Variants in FANCC observed in about 807,000 individuals in gnomAD.
The protein encoded by FANCC is FA complementation group C.
A neutral mutation model predicts 71.3 loss-of-function variants in FANCC; 55 were observed. The observed-to-expected ratio is 0.77, with a 90% confidence interval of 0.62 to 0.97. FANCC has a LOEUF of 0.97. Among genes scored for constraint, FANCC ranks in the 50% least tolerant of loss-of-function variants. The pLI is 0.00. For missense variants in FANCC, 678 were observed against 670.9 expected (o/e 1.01, Z -0.12); for synonymous variants, 275 against 244.9 (o/e 1.12, Z -1.15).
chr9:95,285,709 G>C lies in FANCC; in HGVS notation c.-79+31817C>G, dbSNP rs140822646. Among the ~76,000 whole-genome samples, 1,501 of 152,018 alleles carry C rather than the reference G, an allele frequency of 9.9e-3. 31 individuals carry two copies. Among genetic ancestry groups the C allele is most frequent in the African/African-American group, 0.034 (1,419 of 41,494 alleles). Reference sequence around the variant, plus strand: ...AATTCCCAGTACTGGCAAGAATACAGTTAAACAGCCACTCATATGCAGGTT... The same window carrying C: ...AATTCCCAGTACTGGCAAGAATACACTTAAACAGCCACTCATATGCAGGTT... On this transcript the variant is annotated intron_variant, in intron 1 of 14. Transcript: ENST00000289081.
chr9:95,236,855 G>A (rs974577523), intron 4 of FANCC, among the ~76,000 whole-genome samples: 2 of 152,028 alleles, frequency 1.3e-5, no homozygotes, highest in Non-Finnish European at 2.9e-5. Flanking sequence ...CAAGGATATT[G>A]GATGTCAAGG....
At position 95,117,273 on chromosome 9, in the gene FANCC, C is replaced by G. The variant is rs373495089; in HGVS notation, c.1072+42G>C. 3 of 1,571,800 alleles carry G rather than the reference C, an allele frequency of 1.9e-6. No individual in the cohort carries two copies. In the African/African-American group the frequency reaches 4.1e-5, roughly 21 times the overall value. On this transcript the variant is annotated intron_variant, in intron 11 of 14. Transcript: ENST00000289081. ...GGTCATAATTTGACAATGCTCTTCC[C>G]AGGAAATCATTCTGATGTGGGCAAA...
At chr9:95,138,678 A>G (rs1263553838) in intron 7 of FANCC, among the ~76,000 whole-genome samples, 1 of 152,170 alleles carries the variant, frequency 6.6e-6, no homozygotes, top group Admixed American at 6.5e-5. Flanking sequence ...CCTGGCCGAG[A>G]GCCATGGCAC....
intron 3 of FANCC, among the ~76,000 whole-genome samples, chr9:95,241,700 C>T (rs1432254564): frequency 2.0e-5 from 3 of 152,154 alleles, no homozygotes; most frequent in African/African-American, 7.2e-5. Flanking sequence ...CGCTCTGTCA[C>T]CCAGGCTGGA....
At chr9:95,273,026 T>G (rs967273706) in intron 1 of FANCC, among the ~76,000 whole-genome samples, 3 of 152,016 alleles carry the variant, frequency 2.0e-5, no homozygotes, top group African/African-American at 7.2e-5. Flanking sequence ...AGAACCCACA[T>G]CCCCTGGCAC....
At chr9:95,171,601 G>A (rs1825681735) in intron 5 of FANCC, among the ~76,000 whole-genome samples, 1 of 152,024 alleles carries the variant, frequency 6.6e-6, no homozygotes, top group African/African-American at 2.4e-5. Flanking sequence ...TATAATTTAA[G>A]CCAGAAGAAA....
intron 8 of FANCC, among the ~76,000 whole-genome samples, chr9:95,128,878 C>T (rs1004884033): frequency 6.6e-6 from 1 of 151,742 alleles, no homozygotes; most frequent in Non-Finnish European, 1.5e-5. Flanking sequence ...GAAACAGCAA[C>T]GGCAGAGATT....
chr9:95,120,698 G>A (rs947590788), intron 10 of FANCC, among the ~76,000 whole-genome samples: 4 of 152,264 alleles, frequency 2.6e-5, no homozygotes, highest in Admixed American at 6.5e-5. Context: ...AAAGTGCTGG[G>A]ATTACAGGCA....
At chr9:95,261,655 C>A (rs3852402) in intron 1 of FANCC, among the ~76,000 whole-genome samples, 58,710 of 152,030 alleles carry the variant, frequency 0.39, 11,934 homozygotes, top group East Asian at 0.58. Context: ...ACCTTCTCCA[C>A]GTATGCAGAC....
At chr9:95,271,998 G>A (rs1399148255) in intron 1 of FANCC, among the ~76,000 whole-genome samples, 3 of 137,056 alleles carry the variant, frequency 2.2e-5, no homozygotes, top group African/African-American at 5.5e-5. Flanking sequence ...GTGCAGTGGC[G>A]CGATCCTGGC....
intron 9 of FANCC, 125 bp from the exon 10 acceptor site, chr9:95,125,310 C>T: frequency 1.3e-6 from 1 of 755,394 alleles, no homozygotes; most frequent in South Asian, 1.5e-5. Flanking sequence ...AGTATCTCAA[C>T]TCATCAGATT....
At chr9:95,118,456 T>G (rs189996562) in intron 10 of FANCC, among the ~76,000 whole-genome samples, 1 of 152,126 alleles carries the variant, frequency 6.6e-6, no homozygotes, top group Non-Finnish European at 1.5e-5. Context: ...ACGCATGGAG[T>G]GCATGGGCTT....
At chr9:95,117,723 ATTTTTT>A (rs33935721) in intron 10 of FANCC, among the ~76,000 whole-genome samples, 3 of 136,822 alleles carry the variant, frequency 2.2e-5, no homozygotes, top group East Asian at 4.3e-4. Context: ...GTATTTCAGC[ATTTTTT>A]TTTTTTTTTT....
intron 6 of FANCC, among the ~76,000 whole-genome samples, chr9:95,151,049 G>A (rs192932231): frequency 2.0e-5 from 3 of 152,276 alleles, no homozygotes; most frequent in East Asian, 1.9e-4. Context: ...CTACAGTACC[G>A]AACAGTGCAC....
At chr9:95,291,961 A>T (rs1336895848) in intron 1 of FANCC, among the ~76,000 whole-genome samples, 117 of 104,228 alleles carry the variant, frequency 1.1e-3, no homozygotes, top group African/African-American at 3.7e-3. Context: ...AAAAAAAAAA[A>T]AAAAAAATAT....
intron 4 of FANCC, among the ~76,000 whole-genome samples, chr9:95,214,378 G>C (rs1828717672): frequency 6.6e-6 from 1 of 152,148 alleles, no homozygotes; most frequent in South Asian, 2.1e-4. Flanking sequence ...ACTACAGTGA[G>C]CCATGATCAC....
chr9:95,205,131 G>T (rs1258028112), intron 4 of FANCC, among the ~76,000 whole-genome samples: 1 of 152,138 alleles, frequency 6.6e-6, no homozygotes, highest in Admixed American at 6.5e-5. Flanking sequence ...ATTGTAAAAG[G>T]AAGTTATTCC....
At chr9:95,159,510 T>C (rs1328085168) in intron 6 of FANCC, among the ~76,000 whole-genome samples, 3 of 152,248 alleles carry the variant, frequency 2.0e-5, no homozygotes, top group African/African-American at 7.2e-5. Flanking sequence ...CATGTATCTT[T>C]ATAGAAGCAT....
At chr9:95,179,358 C>T (rs1051522730) in intron 4 of FANCC, among the ~76,000 whole-genome samples, 1 of 152,200 alleles carries the variant, frequency 6.6e-6, no homozygotes, top group African/African-American at 2.4e-5. Flanking sequence ...GATTCATATG[C>T]ACATTAATGA....
Sources: allele counts gnomAD v4.1 joint callset (sites outside exome capture counted in the v4.1 genomes callset), GRCh38; gene constraint gnomAD v4.1.1; transcripts MANE v1.5; gene names NCBI Gene and HGNC (gene_info 2026-07-23, HGNC 2026-07-21).